The following ABLIM2 variants were observed in gnomAD, a reference collection of about 807,000 sequenced individuals.
ABLIM2 encodes actin-binding LIM protein 2.
Under a neutral mutation model 97.7 loss-of-function variants are expected in ABLIM2, and 53 were observed. The ratio of observed to expected loss-of-function variants is 0.54; its 90% confidence interval spans 0.44 to 0.68. The LOEUF is 0.68. Ranked by LOEUF, ABLIM2 falls within the 30% of genes least tolerant of loss-of-function variation. The pLI is 0.00. For missense variants in ABLIM2, 835 were observed against 867.2 expected (o/e 0.96, Z 0.47); for synonymous variants, 361 against 345.8 (o/e 1.04, Z -0.49).
chr4:7,987,581 G>C (rs997234058), intron 17 of ABLIM2, among the ~76,000 whole-genome samples: 1 of 152,188 alleles, frequency 6.6e-6, no homozygotes, highest in African/African-American at 2.4e-5. Flanking sequence ...GCCCCCTAGT[G>C]CCCATCGCTC....
intron 8 of ABLIM2, among the ~76,000 whole-genome samples, chr4:8,049,974 A>C (rs113188957): frequency 0.057 from 8,733 of 152,158 alleles, 620 homozygotes; most frequent in African/African-American, 0.17. Context: ...ATGATCCACC[A>C]ACCTCAGCCT....
chr4:8,023,675 G>A lies in ABLIM2; in HGVS notation c.1268-3372C>T, dbSNP rs1775486093. 6.6e-6 allele frequency among the ~76,000 whole-genome samples: 1 copy of A among 152,218 alleles called. No individual in the cohort carries two copies. The highest frequency in any genetic ancestry group is 1.5e-5 in the Non-Finnish European group (1 of 68,046). ...ACACTTGTCCACATGTCAGGAGTGG[G>A]AGTTACGACCCCCTCCTGGAGGACG... On this transcript the variant is annotated intron_variant, in intron 12 of 20. Coordinates refer to ENST00000447017, the MANE Select transcript of ABLIM2 (RefSeq NM_001130083.2). The surrounding 1 kb of genome is among the most constrained non-coding windows in gnomAD (Gnocchi z 5.7).
At position 8,008,191 on chromosome 4, in the gene ABLIM2, T is replaced by C. The variant is rs763565576; in HGVS notation, c.1486A>G (p.Ser496Gly). Residue 496 changes from serine (S) to glycine (G), a missense_variant, in exon 16 of 21, where the codon AGC becomes GGC. Physicochemically the swap from Ser to Gly is moderately conservative, Grantham distance 56 (BLOSUM62 0). Coordinates refer to ENST00000447017, the MANE Select transcript of ABLIM2 (RefSeq NM_001130083.2). ...LDQDNRKQKSSWLMLKGDADT... is the reference protein window; with the variant it reads ...LDQDNRKQKSGWLMLKGDADT... ...GCATCCCCCTTGAGCATCAGCCAGC[T>C]GCTCTTCTGCTGAAGGTAAAAAACA... is the stretch of plus-strand genomic sequence containing the variant. 1.7e-5 allele frequency: 27 copies of C among 1,612,954 alleles called. No individual in the cohort carries two copies. The highest frequency in any genetic ancestry group is 6.7e-5 in the African/African-American group (5 of 74,932).
intron 1 of ABLIM2, among the ~76,000 whole-genome samples, chr4:8,153,966 T>TC: frequency 6.8e-6 from 1 of 147,950 alleles, no homozygotes; most frequent in East Asian, 1.9e-4. Flanking sequence ...TTCTTTTCTT[T>TC]TTTTTTTTTT....
chr4:7,988,483 T>A (rs1746193695), intron 17 of ABLIM2, among the ~76,000 whole-genome samples: 1 of 152,270 alleles, frequency 6.6e-6, no homozygotes. Flanking sequence ...TGTAAATATT[T>A]GAGCCCATGT....
At chr4:8,105,489 G>A (rs1023294193) in intron 2 of ABLIM2, among the ~76,000 whole-genome samples, 2 of 152,228 alleles carry the variant, frequency 1.3e-5, no homozygotes, top group Admixed American at 6.5e-5. Flanking sequence ...CCATTGGATG[G>A]GGGCCGTGCA....
intron 1 of ABLIM2, among the ~76,000 whole-genome samples, chr4:8,142,744 G>C (rs772319039): frequency 3.9e-5 from 6 of 152,208 alleles, no homozygotes; most frequent in African/African-American, 1.4e-4. Context: ...TCCCCTGCAC[G>C]GTTGGACAAA....
rs559676527 is a variant in ABLIM2, at chr4:8,067,158, T to C, written c.676-6104A>G. ...GATCCAAAGAAGGCAGGCTGGATGC[T>C]ACCTCCTGGGAAGACTCCATGGGCC... On this transcript the variant is annotated intron_variant, in intron 6 of 20. Transcript: ENST00000447017. The surrounding 1 kb of genome is among the most constrained non-coding windows in gnomAD (Gnocchi z 5.4). 1 of 152,334 alleles carries C rather than the reference T, an allele frequency of 6.6e-6. No homozygotes were observed. Among genetic ancestry groups the C allele is most frequent in the East Asian group, 1.9e-4 (1 of 5,178 alleles). 9.4% of individuals were successfully genotyped at this position (152,334 alleles called of 1,614,324 possible).
At chr4:8,129,415 G>A (rs1184790588) in intron 1 of ABLIM2, among the ~76,000 whole-genome samples, 1 of 152,222 alleles carries the variant, frequency 6.6e-6, no homozygotes, top group Non-Finnish European at 1.5e-5. Flanking sequence ...CCAGCACCAT[G>A]CGAAACAGAG....
At position 8,032,273 on chromosome 4, in the gene ABLIM2, C is replaced by T. The variant is rs895849735; in HGVS notation, c.1048-2497G>A. On this transcript the variant is annotated intron_variant, in intron 10 of 20. Coordinates refer to ENST00000447017, the MANE Select transcript of ABLIM2 (RefSeq NM_001130083.2). This position sits in a 1 kb window ranked among gnomAD's most constrained non-coding sequence, Gnocchi z 4.3. ...GAGAGACACGTCCAGTGTTTCTCCA[C>T]GAGGACTGGGTGCTTCCACACAACC... Among the ~76,000 whole-genome samples, 3 of 152,058 alleles carry T rather than the reference C, an allele frequency of 2.0e-5. No individual in the cohort carries two copies. Among genetic ancestry groups the T allele is most frequent in the African/African-American group, 2.4e-5 (1 of 41,396 alleles).
chr4:8,057,630 G>T (rs894998112), intron 7 of ABLIM2, among the ~76,000 whole-genome samples: 3 of 152,072 alleles, frequency 2.0e-5, no homozygotes, highest in African/African-American at 4.8e-5. Flanking sequence ...TTTCACCCCA[G>T]TGGGAAAAAG....
At chr4:8,010,380 G>C in intron 14 of ABLIM2, 1 of 985,792 alleles carries the variant, frequency 1.0e-6, no homozygotes, top group Non-Finnish European at 1.2e-6. Flanking sequence ...TCCCCAGCCC[G>C]CCACGAAGAC....
Position 8,087,009 on chromosome 4 carries a change from G to A in ABLIM2, c.454+1160C>T, listed in dbSNP as rs563078052. 6.6e-6 allele frequency among the ~76,000 whole-genome samples: 1 copy of A among 152,184 alleles called. No individual in the cohort carries two copies. Among genetic ancestry groups the A allele is most frequent in the Non-Finnish European group, 1.5e-5 (1 of 68,036 alleles). ...AAATTATAACCAGCTCCCAGGGCCAGTGCTGCACCTCGGGGAGGCTGGAAG... is the reference window on the plus strand; with the variant it reads ...AAATTATAACCAGCTCCCAGGGCCAATGCTGCACCTCGGGGAGGCTGGAAG... On this transcript the variant is annotated intron_variant, in intron 4 of 20. Transcript: ENST00000447017. This position sits in a 1 kb window ranked among gnomAD's most constrained non-coding sequence, Gnocchi z 4.6.
At chr4:8,024,496 C>T (rs1041647346) in intron 12 of ABLIM2, among the ~76,000 whole-genome samples, 10 of 152,150 alleles carry the variant, frequency 6.6e-5, no homozygotes, top group East Asian at 1.9e-4. Context: ...GGGCCAGAGA[C>T]GCCAGAGGAG....
In ABLIM2 at chr4:8,124,263, T is replaced by A. The variant is rs1447619974; in HGVS notation, c.11-17626A>T. On this transcript the variant is annotated intron_variant, in intron 1 of 20. Coordinates refer to ENST00000447017, the MANE Select transcript of ABLIM2 (RefSeq NM_001130083.2). The surrounding 1 kb of genome is among the most constrained non-coding windows in gnomAD (Gnocchi z 6.1). ...CACACATCTGAAAATCATAACTTCA[T>A]TGAGATATAATTCACATAGCCGTAC... Among the ~76,000 whole-genome samples the A allele has an allele frequency of 6.6e-6, 1 of 152,160 alleles. No homozygotes were observed. The highest frequency in any genetic ancestry group is 6.5e-5 in the Admixed American group (1 of 15,282).
Position 8,140,635 on chromosome 4 carries a change from A to G in ABLIM2, c.10+18045T>C, listed in dbSNP as rs1850836529. Among the ~76,000 whole-genome samples the G allele has an allele frequency of 6.6e-6, 1 of 152,076 alleles. No individual in the cohort carries two copies. The highest frequency in any genetic ancestry group is 1.5e-5 in the Non-Finnish European group (1 of 68,028). On this transcript the variant is annotated intron_variant, in intron 1 of 20. Transcript: ENST00000447017. The surrounding 1 kb of genome is among the most constrained non-coding windows in gnomAD (Gnocchi z 5.9). ...ACTCCCATGGCCACTGCTACTGATG[A>G]TGGAAGCAATGATGATAAAATCGAC...
intron 5 of ABLIM2, among the ~76,000 whole-genome samples, chr4:8,079,089 C>A (rs904060701): frequency 6.6e-6 from 1 of 152,244 alleles, no homozygotes; most frequent in Non-Finnish European, 1.5e-5. Context: ...GGCCTGGGTG[C>A]CCCTCTCTGG....
At chr4:8,045,315 T>TCCACTCCAGCAG in intron 8 of ABLIM2, 74 bp from the exon 9 acceptor site, 1 of 1,342,790 alleles carries the variant, frequency 7.4e-7, no homozygotes, top group Non-Finnish European at 1.1e-6. Context: ...TGTCAGGAGT[T>TCCACTCCAGCAG]CCACTCCAGC....
At position 8,069,594 on chromosome 4, in the gene ABLIM2, GGTGTCTGTGTGGATGTCTTTCCGT is replaced by G. The variant is rs1810415238; in HGVS notation, c.675+8010_675+8033del. On this transcript the variant is annotated intron_variant, in intron 6 of 20. Coordinates refer to ENST00000447017, the MANE Select transcript of ABLIM2 (RefSeq NM_001130083.2). The surrounding 1 kb of genome is among the most constrained non-coding windows in gnomAD (Gnocchi z 4.2). ...GTCTGTGTGTCTCTGTGTTTTGCCT[GGTGTCTGTGTGGATGTCTTTCCGT>G]GTGTCTGTGTGTGCATCGTGTGTGC... is the stretch of plus-strand genomic sequence containing the variant. Among the ~76,000 whole-genome samples the G allele has an allele frequency of 6.6e-6, 1 of 152,072 alleles. No homozygotes were observed. The highest frequency in any genetic ancestry group is 2.4e-5 in the African/African-American group (1 of 41,398).
Sources: allele counts gnomAD v4.1 joint callset (sites outside exome capture counted in the v4.1 genomes callset), GRCh38; gene constraint gnomAD v4.1.1; non-coding constraint Gnocchi (gnomAD v3.1); transcripts MANE v1.5; gene names NCBI Gene and HGNC (gene_info 2026-07-23, HGNC 2026-07-21).